CCSER1: variants seen among roughly 807,000 people sequenced by gnomAD.
The protein encoded by CCSER1 is coiled-coil serine rich protein 1, also known as serine-rich coiled-coil domain-containing protein 1.
A neutral mutation model predicts 82.0 loss-of-function variants in CCSER1; 41 were observed. The ratio of observed to expected loss-of-function variants is 0.50; its 90% confidence interval spans 0.39 to 0.65. CCSER1 has a LOEUF of 0.65. Ranked by LOEUF, CCSER1 falls within the 30% of genes least tolerant of loss-of-function variation. CCSER1 has a pLI of 0.00. For synonymous variants in CCSER1, 414 were observed against 383.9 expected (o/e 1.08, Z -0.92); for missense variants, 1,119 against 1,064.2 (o/e 1.05, Z -0.72).
chr4:91,233,863 A>G (rs528930851), intron 10 of CCSER1, among the ~76,000 whole-genome samples: 14 of 151,936 alleles, frequency 9.2e-5, no homozygotes, highest in Non-Finnish European at 1.9e-4. Flanking sequence ...AATAAAAAAT[A>G]TAAGTCTTCA....
chr4:90,748,893 T>C (rs575980528), intron 7 of CCSER1, among the ~76,000 whole-genome samples: 1 of 151,106 alleles, frequency 6.6e-6, no homozygotes, highest in East Asian at 2.0e-4. Context: ...TGTTTGTTTT[T>C]TTCTTGTAAA....
At chr4:91,400,904 G>C (rs189621548) in intron 10 of CCSER1, among the ~76,000 whole-genome samples, 1 of 151,800 alleles carries the variant, frequency 6.6e-6, no homozygotes. Context: ...ACCTAATTAA[G>C]TGATTTAGAT....
At position 90,707,482 on chromosome 4, in the gene CCSER1, C is replaced by T. The variant is rs184591479; in HGVS notation, c.1933-16432C>T. Among the ~76,000 whole-genome samples, 39 of 151,536 alleles carry T rather than the reference C, an allele frequency of 2.6e-4. 1 individual carries two copies. In the East Asian group the frequency reaches 7.4e-3, roughly 29 times the overall value. ...GAAATCATTCTGCCTTCTCTTTTCT[C>T]TCATAGCCCATATCCAAACTATGAG... On this transcript the variant is annotated intron_variant, in intron 6 of 10. Transcript: ENST00000509176.
intron 10 of CCSER1, among the ~76,000 whole-genome samples, chr4:91,135,058 C>T (rs1480868341): frequency 7.1e-6 from 1 of 140,958 alleles, no homozygotes; most frequent in African/African-American, 2.6e-5. Flanking sequence ...GACTCTGTCT[C>T]AAAGAAAAAA....
intron 4 of CCSER1, among the ~76,000 whole-genome samples, chr4:90,448,650 TC>T (rs1383317159): frequency 6.6e-6 from 1 of 151,748 alleles, no homozygotes; most frequent in Non-Finnish European, 1.5e-5. Flanking sequence ...TTTTTCTGTA[TC>T]ATTTAGGTAC....
intron 10 of CCSER1, among the ~76,000 whole-genome samples, chr4:91,114,618 C>A (rs763077264): frequency 1.4e-4 from 22 of 152,196 alleles, no homozygotes; most frequent in Non-Finnish European, 2.6e-4. Flanking sequence ...TGGACCTCAT[C>A]CTGCTTCCTG....
At chr4:90,326,983 A>G (rs1175246991) in intron 3 of CCSER1, among the ~76,000 whole-genome samples, 4 of 152,180 alleles carry the variant, frequency 2.6e-5, no homozygotes, top group East Asian at 3.8e-4. Context: ...TTCATTTTTC[A>G]TAAGCAATTC....
chr4:90,720,762 A>G (rs567155756), intron 6 of CCSER1, among the ~76,000 whole-genome samples: 7 of 152,148 alleles, frequency 4.6e-5, no homozygotes, highest in Admixed American at 3.3e-4. Context: ...ATGTTTCCCA[A>G]TGCTATTAAA....
chr4:90,455,806 C>A (rs1762088590), intron 4 of CCSER1, among the ~76,000 whole-genome samples: 1 of 152,146 alleles, frequency 6.6e-6, no homozygotes, highest in South Asian at 2.1e-4. Context: ...AGGAGGATGA[C>A]CTCCATCCAC....
chr4:90,570,773 A>G (rs1780019666), intron 5 of CCSER1, among the ~76,000 whole-genome samples: 1 of 152,136 alleles, frequency 6.6e-6, no homozygotes, highest in Non-Finnish European at 1.5e-5. Context: ...TGAAGGTATG[A>G]GCATGGCAGA....
At chr4:90,846,742 CT>C (rs11287203) in intron 8 of CCSER1, among the ~76,000 whole-genome samples, 99,108 of 151,962 alleles carry the variant, frequency 0.65, 32,752 homozygotes, top group African/African-American at 0.73. Flanking sequence ...TTCCCAGCCT[CT>C]TGATAATCAT....
At position 90,253,605 on chromosome 4, in the gene CCSER1, C is replaced by A. The variant is rs557871915; in HGVS notation, c.-41-54639C>A. On this transcript the variant is annotated intron_variant, in intron 1 of 10. Coordinates refer to ENST00000509176, the MANE Select transcript of CCSER1 (RefSeq NM_001145065.2). ...GTGACAAACCATTTTTCTCTTGATG[C>A]TTTCAAGATTTTCCTTAGTCTTATT... Among the ~76,000 whole-genome samples the A allele has an allele frequency of 2.0e-5, 3 of 152,142 alleles. No individual in the cohort carries two copies. In the East Asian group the frequency reaches 5.8e-4, roughly 29 times the overall value.
intron 1 of CCSER1, among the ~76,000 whole-genome samples, chr4:90,191,186 C>T (rs1175083060): frequency 1.3e-5 from 2 of 151,922 alleles, no homozygotes; most frequent in Non-Finnish European, 2.9e-5. Flanking sequence ...CAACACAGGA[C>T]TCCCCAGAGA....
At chr4:90,583,374 C>G (rs774747455) in intron 5 of CCSER1, among the ~76,000 whole-genome samples, 2 of 152,064 alleles carry the variant, frequency 1.3e-5, no homozygotes, top group Non-Finnish European at 2.9e-5. Flanking sequence ...CCATGTTGGT[C>G]AGGTTGGCCT....
intron 10 of CCSER1, among the ~76,000 whole-genome samples, chr4:91,539,859 A>T (rs935562286): frequency 2.6e-5 from 4 of 152,186 alleles, no homozygotes; most frequent in Admixed American, 2.0e-4. Flanking sequence ...TTATTGAATC[A>T]TTAGAGCTGT....
In CCSER1 at chr4:91,601,977, T is replaced by C. The variant is rs968708074; in HGVS notation, c.*2920T>C. The C allele has an allele frequency of 6.6e-6, 1 of 152,084 alleles. No homozygotes were observed. Among genetic ancestry groups the C allele is most frequent in the Non-Finnish European group, 1.5e-5 (1 of 67,950 alleles). The allele number at this position is 152,084 out of a possible 1,614,324, so 9.4% of individuals were successfully genotyped here. On this transcript the variant is annotated 3_prime_UTR_variant, in exon 11 of 11. Transcript: ENST00000509176. ...TGCTAAGAGAGTCACCACAAAACTA[T>C]GAATTCTCTCCCGAATTATTTTTGC...
At chr4:90,501,912 G>A (rs1177371912) in intron 5 of CCSER1, among the ~76,000 whole-genome samples, 1 of 151,914 alleles carries the variant, frequency 6.6e-6, no homozygotes, top group Non-Finnish European at 1.5e-5. Context: ...TTTATCAACG[G>A]TTAGCTGTCA....
At chr4:90,566,921 T>C (rs1336408224) in intron 5 of CCSER1, among the ~76,000 whole-genome samples, 2 of 151,982 alleles carry the variant, frequency 1.3e-5, no homozygotes, top group East Asian at 3.9e-4. Flanking sequence ...TCTTTGTATT[T>C]TACTTGTATC....
chr4:91,139,431 C>A lies in CCSER1; in HGVS notation c.2217+53437C>A, dbSNP rs983215270. Among the ~76,000 whole-genome samples the A allele has an allele frequency of 2.6e-5, 4 of 152,076 alleles. No homozygotes were observed. The East Asian group carries it at 7.7e-4, about 29-fold the overall frequency. On this transcript the variant is annotated intron_variant, in intron 10 of 10. Transcript: ENST00000509176. ...CATTTTTCTCAATTTATAAAAGAAT[C>A]ATATTAGAATAAGAGGCTTTATTAT...
Sources: allele counts gnomAD v4.1 joint callset (sites outside exome capture counted in the v4.1 genomes callset), GRCh38; gene constraint gnomAD v4.1.1; transcripts MANE v1.5; gene names NCBI Gene and HGNC (gene_info 2026-07-23, HGNC 2026-07-21).